Variants in AQP11 observed in about 807,000 individuals in gnomAD.
AQP11 encodes aquaporin 11.
In AQP11, 20 loss-of-function variants were observed where a neutral mutation model predicts 21.1. The ratio of observed to expected loss-of-function variants is 0.95; its 90% confidence interval spans 0.67 to 1.38. AQP11 has a LOEUF of 1.38. Ranked by LOEUF, AQP11 falls within the 40% of genes most tolerant of loss-of-function variation. The pLI is 0.00. For missense variants in AQP11, 339 were observed against 340.4 expected (o/e 1.00, Z 0.03); for synonymous variants, 167 against 150.1 (o/e 1.11, Z -0.82).
chr11:77,596,459 T>TATATGTAA (rs1554976401), intron 1 of AQP11, among the ~76,000 whole-genome samples: 67 of 130,496 alleles, frequency 5.1e-4, no homozygotes, highest in African/African-American at 1.9e-3. Flanking sequence ...AAAAAAAATA[T>TATATGTAA]ATATATATAT....
In AQP11 at chr11:77,590,483, T is replaced by C. The variant is rs371423285; in HGVS notation, c.491T>C (p.Leu164Pro). ...AAGAATCCCATCCGAGTCGACTTGC[T>C]CAAAGCGGTCATCACAGAGGCCGTC... is the stretch of plus-strand genomic sequence containing the variant. ...ACKNPIRVDL[L>P]KAVITEAVCS... Residue 164 changes from leucine to proline, a missense_variant, in exon 1 of 3, where the codon CTC (leucine) becomes CCC (proline). Physicochemically the swap from Leu to Pro is moderately conservative, Grantham distance 98. Coordinates refer to ENST00000313578, the MANE Select transcript of AQP11 (RefSeq NM_173039.3). The C allele has an allele frequency of 1.9e-6, 3 of 1,614,148 alleles. No individual in the cohort carries two copies. Among genetic ancestry groups the C allele is most frequent in the Non-Finnish European group, 2.5e-6 (3 of 1,180,036 alleles).
Position 77,603,646 on chromosome 11 carries a change from T to C in AQP11, c.710T>C (p.Ile237Thr). 1 of 1,607,660 alleles carries C rather than the reference T, an allele frequency of 6.2e-7. No homozygotes were observed. Among genetic ancestry groups the C allele is most frequent in the South Asian group, 1.1e-5 (1 of 89,132 alleles). ...GATGAAGCATTCCCTCAGTTTTTTA[T>C]AGTATACTGGCTGGCTCCTTCTTTA... ...CFDEAFPQFF[I>T]VYWLAPSLGI... The change falls in exon 2 of 3, where the codon ATA (isoleucine) becomes ACA (threonine). Residue 237 changes from isoleucine to threonine, a missense_variant. Ile to Thr is a moderately conservative substitution (Grantham distance 89). Transcript: ENST00000313578.
chr11:77,606,637 G>C (rs748851044), intron 2 of AQP11, among the ~76,000 whole-genome samples: 2 of 152,114 alleles, frequency 1.3e-5, no homozygotes, highest in Non-Finnish European at 2.9e-5. Context: ...CCTCTGCCTC[G>C]CAGGCGCAAG....
intron 2 of AQP11, among the ~76,000 whole-genome samples, chr11:77,606,227 A>G (rs368125548): frequency 2.0e-5 from 3 of 152,248 alleles, no homozygotes; most frequent in African/African-American, 7.2e-5. Flanking sequence ...AGGAATCTGA[A>G]GTAATGACAA....
chr11:77,590,028 G>A lies in AQP11; in HGVS notation c.36G>A (p.Gln12=), dbSNP rs1214026326. 6.5e-7 allele frequency: 1 copy of A among 1,545,960 alleles called. No individual in the cohort carries two copies. Among genetic ancestry groups the A allele is most frequent in the Non-Finnish European group, 8.7e-7 (1 of 1,150,806 alleles). The change falls in exon 1 of 3, where the codon CAG becomes CAA. Residue 12 remains glutamine (Q), a synonymous_variant. Coordinates refer to ENST00000313578, the MANE Select transcript of AQP11 (RefSeq NM_173039.3). ...TGCTGGGGCTCCGGTCCGAGCTGCA[G>A]GACACCTGCACCTCGCTGGGACTGA... ...SPLLGLRSEL[Q]DTCTSLGLML... is the part of the protein sequence containing the mutation.
rs1958735962 is a variant in AQP11, at chr11:77,590,102, A to G, written c.110A>G (p.Gln37Arg). 1 of 1,607,630 alleles carries G rather than the reference A, an allele frequency of 6.2e-7. No individual in the cohort carries two copies. Among genetic ancestry groups the G allele is most frequent in the South Asian group, 1.1e-5 (1 of 90,940 alleles). ...LMGLARVVAR[Q>R]QLHRPVAHAF... ...GGGCTGGCCCGCGTAGTCGCCCGGCAGCAGCTGCACAGGCCGGTGGCCCAC... is the reference window on the plus strand; with the variant it reads ...GGGCTGGCCCGCGTAGTCGCCCGGCGGCAGCTGCACAGGCCGGTGGCCCAC... Residue 37 changes from glutamine to arginine, a missense_variant, in exon 1 of 3, where the codon CAG (glutamine) becomes CGG (arginine). By Grantham distance (43) the Gln-to-Arg change is conservative. Transcript: ENST00000313578.
intron 2 of AQP11, among the ~76,000 whole-genome samples, chr11:77,605,621 C>G: frequency 6.6e-6 from 1 of 152,120 alleles, no homozygotes; most frequent in Non-Finnish European, 1.5e-5. Context: ...GCCTGATGAT[C>G]CAAGGTGGAA....
intron 1 of AQP11, among the ~76,000 whole-genome samples, chr11:77,600,221 G>A (rs760168687): frequency 6.7e-6 from 1 of 149,886 alleles, no homozygotes; most frequent in Non-Finnish European, 1.5e-5. Flanking sequence ...CACCCACCTC[G>A]CCCTCCTAAA....
At chr11:77,606,459 T>C (rs1177236059) in intron 2 of AQP11, among the ~76,000 whole-genome samples, 2 of 152,174 alleles carry the variant, frequency 1.3e-5, no homozygotes, top group Admixed American at 6.5e-5. Context: ...ACACATTATA[T>C]GTAGCCAAAA....
Position 77,601,163 on chromosome 11 carries a change from C to G in AQP11, c.620-2393C>G, listed in dbSNP as rs367917092. ...GGGAGAGGGAATAGGCCACTGCCATCTGAGTAGAGGCCAGGGATGCTGCTA... is the reference window on the plus strand; with the variant it reads ...GGGAGAGGGAATAGGCCACTGCCATGTGAGTAGAGGCCAGGGATGCTGCTA... On this transcript the variant is annotated intron_variant, in intron 1 of 2. Transcript: ENST00000313578. Among the ~76,000 whole-genome samples, 3 of 152,278 alleles carry G rather than the reference C, an allele frequency of 2.0e-5. No individual in the cohort carries two copies. The East Asian group carries it at 5.8e-4, about 29-fold the overall frequency.
At chr11:77,608,893 G>A (rs932671380) in intron 2 of AQP11, among the ~76,000 whole-genome samples, 2 of 152,086 alleles carry the variant, frequency 1.3e-5, no homozygotes, top group Admixed American at 6.6e-5. Context: ...ATGTCCCTGG[G>A]GCACGGAGGA....
chr11:77,594,132 G>T (rs918814740), intron 1 of AQP11, among the ~76,000 whole-genome samples: 4 of 152,120 alleles, frequency 2.6e-5, no homozygotes, highest in African/African-American at 9.7e-5. Context: ...CTTTGGAAAT[G>T]GTGCTGCTGG....
chr11:77,599,629 C>G (rs1283450401), intron 1 of AQP11, among the ~76,000 whole-genome samples: 1 of 151,724 alleles, frequency 6.6e-6, no homozygotes, highest in Non-Finnish European at 1.5e-5. Flanking sequence ...GGGCTTCACT[C>G]TGTCACCCAG....
rs1958868869 is a variant in AQP11 at position 77,610,137 on chromosome 11, G to A, written c.*760G>A. ...TTTTAATCTCCATTTTACAGATAAGGAAACTAAGCCTAGATGGGTTTGCTG... is the reference window on the plus strand; with the variant it reads ...TTTTAATCTCCATTTTACAGATAAGAAAACTAAGCCTAGATGGGTTTGCTG... On this transcript the variant is annotated 3_prime_UTR_variant, in exon 3 of 3. Transcript: ENST00000313578. 1 of 152,108 alleles carries A rather than the reference G, an allele frequency of 6.6e-6. No individual in the cohort carries two copies. The highest frequency in any genetic ancestry group is 1.5e-5 in the Non-Finnish European group (1 of 68,030). 9.4% of individuals were successfully genotyped at this position (152,108 alleles called of 1,614,324 possible). A position where few individuals can be genotyped will look rare whatever the true frequency, so the allele number is the denominator to read the frequency against.
chr11:77,601,159 C>T (rs1198693583), intron 1 of AQP11, among the ~76,000 whole-genome samples: 1 of 152,146 alleles, frequency 6.6e-6, no homozygotes, highest in Non-Finnish European at 1.5e-5. Flanking sequence ...TAGGCCACTG[C>T]CATCTGAGTA....
chr11:77,590,038 A>C lies in AQP11; in HGVS notation c.46A>C (p.Thr16Pro), dbSNP rs933648280. Residue 16 changes from threonine to proline, a missense_variant, in exon 1 of 3, where the codon ACC (threonine) becomes CCC (proline). Thr to Pro is a conservative substitution (Grantham distance 38, BLOSUM62 -1). Coordinates refer to ENST00000313578, the MANE Select transcript of AQP11 (RefSeq NM_173039.3). The part of the protein sequence containing the change: ...GLRSELQDTC[T>P]SLGLMLSVVL... ...CCGGTCCGAGCTGCAGGACACCTGC[A>C]CCTCGCTGGGACTGATGCTGTCGGT... 5 of 1,565,614 alleles carry C rather than the reference A, an allele frequency of 3.2e-6. No individual in the cohort carries two copies. The African/African-American group carries it at 4.1e-5, about 13-fold the overall frequency.
chr11:77,591,131 T>A, intron 1 of AQP11: 1 of 968,988 alleles, frequency 1.0e-6, no homozygotes, highest in Non-Finnish European at 1.2e-6. Flanking sequence ...ATAATTCATT[T>A]TGAGTTATGA....
chr11:77,606,020 G>A (rs1958843576), intron 2 of AQP11, among the ~76,000 whole-genome samples: 1 of 142,428 alleles, frequency 7.0e-6, no homozygotes, highest in Non-Finnish European at 1.5e-5. Flanking sequence ...TCTAGCCTGG[G>A]CGACAGAGCG....
Position 77,590,001 on chromosome 11 carries a change from G to T in AQP11, c.9G>T (p.Pro3=). 1 of 1,487,628 alleles carries T rather than the reference G, an allele frequency of 6.7e-7. No homozygotes were observed. The allele number at this position is 1,487,628 out of a possible 1,614,324, so 92.2% of individuals were successfully genotyped here. A position where few individuals can be genotyped will look rare whatever the true frequency, so the allele number is the denominator to read the frequency against. The change falls in exon 1 of 3, where the codon CCG becomes CCT. Residue 3 remains proline (P), a synonymous_variant. Coordinates refer to ENST00000313578, the MANE Select transcript of AQP11 (RefSeq NM_173039.3). MS[P]LLGLRSELQD... is the part of the protein sequence containing the mutation. ...CAGGCGGCGACGGAGCCATGTCGCCGCTGCTGGGGCTCCGGTCCGAGCTGC... is the reference window on the plus strand; with the variant it reads ...CAGGCGGCGACGGAGCCATGTCGCCTCTGCTGGGGCTCCGGTCCGAGCTGC...
Sources: gnomAD v4.1 joint callset for allele counts (sites outside exome capture counted in the v4.1 genomes callset) on GRCh38, gnomAD v4.1.1 for gene constraint, MANE v1.5 for transcripts, NCBI Gene and HGNC (gene_info 2026-07-23, HGNC 2026-07-21) for gene names.